Variants in EDIL3 observed in about 807,000 individuals in gnomAD.
EDIL3 encodes the protein EGF like and discoidin domains 3, also known as EGF-like repeat and discoidin I-like domain-containing protein 3.
Under a neutral mutation model 67.4 loss-of-function variants are expected in EDIL3, and 37 were observed. That is an observed-to-expected ratio of 0.55 (90% CI 0.42 to 0.72). The LOEUF (loss-of-function observed/expected upper bound fraction) is 0.72, where lower values mean the gene tolerates loss of function less well. Among genes scored for constraint, EDIL3 ranks in the 30% least tolerant of loss-of-function variants. The pLI is 0.00. For missense variants in EDIL3, 527 were observed against 586.3 expected (o/e 0.90, Z 1.04); for synonymous variants, 195 against 196.3 (o/e 0.99, Z 0.05).
At chr5:84,380,313 G>T (rs1748049149) in intron 1 of EDIL3, among the ~76,000 whole-genome samples, 1 of 151,954 alleles carries the variant, frequency 6.6e-6, no homozygotes, top group Non-Finnish European at 1.5e-5. Context: ...TGAATAATAG[G>T]AATGGCTTAG....
intron 1 of EDIL3, among the ~76,000 whole-genome samples, chr5:84,346,779 CTAA>C (rs1279314917): frequency 1.3e-4 from 19 of 151,586 alleles, no homozygotes; most frequent in South Asian, 2.1e-4. Flanking sequence ...CTACTAGAAA[CTAA>C]TAAGATGTAT....
At chr5:84,233,415 A>G (rs913145620) in intron 2 of EDIL3, among the ~76,000 whole-genome samples, 1 of 152,202 alleles carries the variant, frequency 6.6e-6, no homozygotes, top group African/African-American at 2.4e-5. Flanking sequence ...GGAAACAGCC[A>G]TGGGTACCAT....
In EDIL3 at chr5:84,106,654, T is replaced by A. The variant is rs759641691; in HGVS notation, c.646A>T (p.Ile216Phe). Reference protein sequence around the residue: ...TAAENDRWPWIQINLQRKMRV... With the variant: ...TAAENDRWPWFQINLQRKMRV... The stretch of plus-strand genomic sequence containing the variant: ...TGTCCCATCCCATCTGTTACCTGAA[T>A]CCACGGCCATCTGTCATTTTCTGCA... The change falls in exon 6 of 11, where the codon ATT becomes TTT. Residue 216 changes from isoleucine to phenylalanine, a missense_variant. Physicochemically the swap from Ile to Phe is conservative, Grantham distance 21. Around this residue, in one of 2 missense-constraint regions of EDIL3, gnomAD observed 494 missense variants for 522.5 expected, o/e 0.95. Transcript: ENST00000296591. 35 of 1,603,258 alleles carry A rather than the reference T, an allele frequency of 2.2e-5. No individual in the cohort carries two copies. Among genetic ancestry groups the A allele is most frequent in the Non-Finnish European group, 2.8e-5 (33 of 1,176,170 alleles).
At chr5:84,010,599 T>C (rs1460725905) in intron 9 of EDIL3, among the ~76,000 whole-genome samples, 1 of 152,178 alleles carries the variant, frequency 6.6e-6, no homozygotes, top group Non-Finnish European at 1.5e-5. Flanking sequence ...ACAGGTGTTA[T>C]TTAATGTGCA....
At chr5:84,291,463 C>G (rs911466819) in intron 1 of EDIL3, among the ~76,000 whole-genome samples, 1 of 151,710 alleles carries the variant, frequency 6.6e-6, no homozygotes, top group African/African-American at 2.4e-5. Flanking sequence ...CAAAACAACC[C>G]TGAAAGGTGG....
At chr5:84,089,301 T>A (rs1166380652) in intron 6 of EDIL3, among the ~76,000 whole-genome samples, 1 of 152,216 alleles carries the variant, frequency 6.6e-6, no homozygotes, top group Non-Finnish European at 1.5e-5. Context: ...TACACCCTTA[T>A]CAGGATTTTT....
At chr5:84,091,599 C>A (rs900176039) in intron 6 of EDIL3, among the ~76,000 whole-genome samples, 1 of 152,186 alleles carries the variant, frequency 6.6e-6, no homozygotes, top group Non-Finnish European at 1.5e-5. Context: ...GGCACTGGGG[C>A]AGAACAAATT....
intron 9 of EDIL3, among the ~76,000 whole-genome samples, chr5:84,056,351 T>G (rs1304968274): frequency 6.6e-6 from 1 of 151,942 alleles, no homozygotes; most frequent in Non-Finnish European, 1.5e-5. Flanking sequence ...GGTATACCAT[T>G]AGGAGACATA....
intron 9 of EDIL3, among the ~76,000 whole-genome samples, chr5:84,006,920 G>C (rs1745427456): frequency 6.8e-6 from 1 of 146,534 alleles, no homozygotes; most frequent in South Asian, 2.1e-4. Flanking sequence ...ACAACATCAT[G>C]GTACTGGCAA....
intron 3 of EDIL3, among the ~76,000 whole-genome samples, chr5:84,183,615 G>A (rs914635823): frequency 6.6e-6 from 1 of 152,050 alleles, no homozygotes; most frequent in Admixed American, 6.6e-5. Context: ...AGAAAAATTA[G>A]GTTTAAGGAC....
At chr5:83,989,160 C>A (rs915843802) in intron 9 of EDIL3, among the ~76,000 whole-genome samples, 1 of 152,164 alleles carries the variant, frequency 6.6e-6, no homozygotes, top group African/African-American at 2.4e-5. Context: ...ACTCTGGGAA[C>A]TAAGCCTATG....
At chr5:84,070,842 G>A (rs1162062127) in intron 6 of EDIL3, among the ~76,000 whole-genome samples, 3 of 152,142 alleles carry the variant, frequency 2.0e-5, no homozygotes, top group Non-Finnish European at 4.4e-5. Flanking sequence ...AGTGTAAGTG[G>A]AAATTTGAGA....
intron 6 of EDIL3, among the ~76,000 whole-genome samples, chr5:84,094,414 C>G (rs1454248609): frequency 6.6e-6 from 1 of 151,790 alleles, no homozygotes; most frequent in Admixed American, 6.6e-5. Context: ...TTTTCTTCAA[C>G]AGAAAAGGCT....
chr5:84,176,204 TA>T (rs1320365578), intron 4 of EDIL3, among the ~76,000 whole-genome samples: 3 of 20,218 alleles, frequency 1.5e-4, no homozygotes, highest in Non-Finnish European at 2.0e-4. Flanking sequence ...ATATAATATA[TA>T]TATATATATA....
At chr5:84,203,422 C>A (rs565981268) in intron 3 of EDIL3, among the ~76,000 whole-genome samples, 4 of 152,260 alleles carry the variant, frequency 2.6e-5, no homozygotes, top group South Asian at 4.1e-4. Flanking sequence ...AACCCCTTAA[C>A]AGGACTAAGT....
chr5:84,079,388 C>T (rs2112256100), intron 6 of EDIL3, among the ~76,000 whole-genome samples: 1 of 152,138 alleles, frequency 6.6e-6, no homozygotes, highest in East Asian at 1.9e-4. Context: ...TCTTGTGGGA[C>T]TGGGCCTTTA....
intron 1 of EDIL3, among the ~76,000 whole-genome samples, chr5:84,294,258 A>C (rs1263077630): frequency 6.6e-6 from 1 of 151,560 alleles, no homozygotes; most frequent in African/African-American, 2.4e-5. Context: ...TGTGGCGGGC[A>C]CCTGTAGTCC....
chr5:84,064,704 C>G lies in EDIL3; in HGVS notation c.948G>C (p.Leu316=), dbSNP rs78529501. 1.9e-6 allele frequency: 3 copies of G among 1,611,196 alleles called. No homozygotes were observed. The highest frequency in any genetic ancestry group is 2.5e-6 in the Non-Finnish European group (3 of 1,178,436). The change falls in exon 8 of 11, where the codon CTG becomes CTC. Residue 316 remains leucine (L), a synonymous_variant. Coordinates refer to ENST00000296591, the MANE Select transcript of EDIL3 (RefSeq NM_005711.5). ...AATAGTTAATTTGAGACTTACCCGACAGTTCACAGCCAAGAAGTTCCATTC... is the reference window on the plus strand; with the variant it reads ...AATAGTTAATTTGAGACTTACCCGAGAGTTCACAGCCAAGAAGTTCCATTC... The part of the protein sequence containing the change: ...TLRMELLGCE[L]SGCSEPLGMK...
chr5:83,975,801 C>G (rs1392518657), intron 9 of EDIL3, among the ~76,000 whole-genome samples: 1 of 151,628 alleles, frequency 6.6e-6, no homozygotes, highest in Non-Finnish European at 1.5e-5. Flanking sequence ...AGTATAATAT[C>G]AGAAAATTAA....
Sources: gnomAD v4.1 joint callset for allele counts (sites outside exome capture counted in the v4.1 genomes callset) on GRCh38, gnomAD v4.1.1 for gene constraint, gnomAD v4.1.1 regional missense constraint, MANE v1.5 for transcripts, NCBI Gene and HGNC (gene_info 2026-07-23, HGNC 2026-07-21) for gene names.